RFFL: variants seen among roughly 807,000 people sequenced by gnomAD.
The protein encoded by RFFL is ring finger and FYVE like domain containing E3 ubiquitin protein ligase, also known as E3 ubiquitin-protein ligase rififylin.
Under a neutral mutation model 40.4 loss-of-function variants are expected in RFFL, and 16 were observed. That is an observed-to-expected ratio of 0.40 (90% CI 0.27 to 0.60). RFFL has a LOEUF of 0.60. Among genes scored for constraint, RFFL ranks in the 20% least tolerant of loss-of-function variants. The pLI is 0.47. For missense variants in RFFL, 367 were observed against 451.7 expected (o/e 0.81, Z 1.70); for synonymous variants, 154 against 167.9 (o/e 0.92, Z 0.64).
At chr17:35,083,958 C>T (rs374786313) in intron 1 of RFFL, among the ~76,000 whole-genome samples, 3 of 152,094 alleles carry the variant, frequency 2.0e-5, no homozygotes, top group African/African-American at 4.8e-5. Flanking sequence ...AAGCCAGGCA[C>T]GGTGGCTCAA....
At chr17:35,062,704 A>G (rs761451651) in intron 1 of RFFL, among the ~76,000 whole-genome samples, 1 of 152,196 alleles carries the variant, frequency 6.6e-6, no homozygotes, top group Admixed American at 6.5e-5. Context: ...CTAAGGTCTG[A>G]GGTGAAAGAG....
intron 1 of RFFL, among the ~76,000 whole-genome samples, chr17:35,078,453 A>C (rs146048875): frequency 0.023 from 3,482 of 152,102 alleles, 162 homozygotes; most frequent in African/African-American, 0.08. Flanking sequence ...CAGGTGCACA[A>C]CACCACATCT....
At chr17:35,085,492 C>T (rs1022244127) in intron 1 of RFFL, among the ~76,000 whole-genome samples, 2 of 152,092 alleles carry the variant, frequency 1.3e-5, no homozygotes, top group African/African-American at 4.8e-5. Flanking sequence ...CGCAGTGGTG[C>T]GATCTCGGCT....
chr17:35,016,520 C>G lies in RFFL; in HGVS notation c.736G>C (p.Asp246His), dbSNP rs763077356. ...GRRASLSDLT[D>H]LEDIEGLTVR... The stretch of plus-strand genomic sequence containing the variant: ...GTCAGGCCTTCAATGTCCTCCAGGT[C>G]AGTCAGGTCAGACAGAGAGGCCCTT... The change falls in exon 5 of 7, where the codon GAC (aspartate) becomes CAC (histidine). Residue 246 changes from aspartate (D) to histidine (H), a missense_variant. By Grantham distance (81) the Asp-to-His change is moderately conservative. Transcript: ENST00000394597. 2 of 1,614,072 alleles carry G rather than the reference C, an allele frequency of 1.2e-6. No homozygotes were observed. Among genetic ancestry groups the G allele is most frequent in the Non-Finnish European group, 1.7e-6 (2 of 1,180,038 alleles).
At chr17:35,044,820 C>A (rs2091188376) in intron 1 of RFFL, among the ~76,000 whole-genome samples, 1 of 152,058 alleles carries the variant, frequency 6.6e-6, no homozygotes, top group South Asian at 2.1e-4. Flanking sequence ...ACCTCCCTTA[C>A]ATATCATTTA....
Position 35,042,840 on chromosome 17 carries a change from A to G in RFFL, c.-8-16279T>C, listed in dbSNP as rs550982530. Among the ~76,000 whole-genome samples, 620 of 151,028 alleles carry G rather than the reference A, an allele frequency of 4.1e-3. 1 individual carries two copies. Among genetic ancestry groups the G allele is most frequent in the African/African-American group, 7.2e-3 (295 of 41,140 alleles). On this transcript the variant is annotated intron_variant, in intron 1 of 6. Transcript: ENST00000394597. ...CTCCATCTCAAAAAAAAAAAAAAAA[A>G]AAAAGAAAAGAAAAAAGAATTCAGA...
chr17:35,045,623 T>C (rs2091194455), intron 1 of RFFL, among the ~76,000 whole-genome samples: 1 of 152,160 alleles, frequency 6.6e-6, no homozygotes, highest in Admixed American at 6.5e-5. Flanking sequence ...CACAGCTTTA[T>C]TCTCAGCCTT....
chr17:35,087,061 C>T (rs965937506), intron 1 of RFFL, among the ~76,000 whole-genome samples: 4 of 152,162 alleles, frequency 2.6e-5, no homozygotes, highest in African/African-American at 4.8e-5. Flanking sequence ...TTTTCCACAA[C>T]CCTTAAGAGG....
At chr17:35,017,145 A>G (rs2090978895) in intron 4 of RFFL, among the ~76,000 whole-genome samples, 1 of 151,990 alleles carries the variant, frequency 6.6e-6, no homozygotes, top group African/African-American at 2.4e-5. Context: ...TGTGCTCTGG[A>G]CTGGCCCTGC....
chr17:35,041,945 G>A (rs2091168877), intron 1 of RFFL, among the ~76,000 whole-genome samples: 1 of 152,114 alleles, frequency 6.6e-6, no homozygotes, highest in South Asian at 2.1e-4. Context: ...AACCCGGGAG[G>A]CAGAGGTTGC....
intron 2 of RFFL, among the ~76,000 whole-genome samples, chr17:35,024,527 T>A (rs2091029398): frequency 6.6e-6 from 1 of 152,182 alleles, no homozygotes; most frequent in Non-Finnish European, 1.5e-5. Flanking sequence ...GATGGGGTAT[T>A]TGGCTTGTGG....
chr17:35,059,145 A>G (rs922873512), intron 1 of RFFL, among the ~76,000 whole-genome samples: 2 of 151,592 alleles, frequency 1.3e-5, no homozygotes. Flanking sequence ...CGGCCTCCCA[A>G]GTAGGTGGGA....
chr17:35,027,906 G>A (rs1051326248), intron 1 of RFFL, among the ~76,000 whole-genome samples: 3 of 151,982 alleles, frequency 2.0e-5, no homozygotes, highest in African/African-American at 7.3e-5. Flanking sequence ...GGTGGCAGGC[G>A]CCTGTAACCC....
At chr17:35,049,475 A>C (rs936588632) in intron 1 of RFFL, among the ~76,000 whole-genome samples, 1 of 152,180 alleles carries the variant, frequency 6.6e-6, no homozygotes, top group Non-Finnish European at 1.5e-5. Flanking sequence ...TAATGAATGC[A>C]ATAGAGCAGA....
At chr17:35,042,262 AAAGT>A (rs754943889) in intron 1 of RFFL, 1 of 152,206 alleles carries the variant, frequency 6.6e-6, no homozygotes, top group East Asian at 1.9e-4. Flanking sequence ...CTTACTTTTA[AAAGT>A]AAGTTAGTCT....
intron 3 of RFFL, among the ~76,000 whole-genome samples, chr17:35,020,618 C>G (rs2091002575): frequency 6.6e-6 from 1 of 152,030 alleles, no homozygotes; most frequent in African/African-American, 2.4e-5. Flanking sequence ...ACTTAAGGCA[C>G]TTATGCAACA....
intron 1 of RFFL, among the ~76,000 whole-genome samples, chr17:35,044,821 A>G (rs1379466839): frequency 6.6e-6 from 1 of 151,570 alleles, no homozygotes; most frequent in Non-Finnish European, 1.5e-5. Context: ...CCTCCCTTAC[A>G]TATCATTTAT....
intron 1 of RFFL, among the ~76,000 whole-genome samples, chr17:35,071,182 A>G (rs983274132): frequency 6.7e-6 from 1 of 150,076 alleles, no homozygotes; most frequent in African/African-American, 2.5e-5. Context: ...TAGGCTACAG[A>G]GCAAGACTCC....
chr17:35,046,435 C>G (rs2142351802), intron 1 of RFFL, among the ~76,000 whole-genome samples: 1 of 152,298 alleles, frequency 6.6e-6, no homozygotes, highest in East Asian at 1.9e-4. Flanking sequence ...ACACCCAGGT[C>G]TGGGTGTACC....
Sources: allele counts gnomAD v4.1 joint callset (sites outside exome capture counted in the v4.1 genomes callset), GRCh38; gene constraint gnomAD v4.1.1; transcripts MANE v1.5; gene names NCBI Gene and HGNC (gene_info 2026-07-23, HGNC 2026-07-21).